Variants in HNRNPC observed in about 807,000 individuals in gnomAD.
HNRNPC encodes the protein heterogeneous nuclear ribonucleoproteins C1/C2.
HNRNPC carries 3 observed loss-of-function variants against 33.2 expected under a neutral mutation model. That is an observed-to-expected ratio of 0.09 (90% CI 0.04 to 0.23). The LOEUF (loss-of-function observed/expected upper bound fraction) is 0.23, where lower values mean the gene tolerates loss of function less well. Ranked by LOEUF, HNRNPC falls within the 10% of genes least tolerant of loss-of-function variation. The pLI is 1.00. For synonymous variants in HNRNPC, 121 were observed against 126.7 expected (o/e 0.96, Z 0.30); for missense variants, 143 against 366.7 (o/e 0.39, Z 4.98).
At chr14:21,242,549 CAT>C (rs533817743) in intron 2 of HNRNPC, among the ~76,000 whole-genome samples, 5 of 152,290 alleles carry the variant, frequency 3.3e-5, no homozygotes, top group African/African-American at 7.2e-5. Context: ...ACCAATTTAA[CAT>C]ATGAGAGTAC....
At chr14:21,243,140 TG>T (rs1400375161) in intron 2 of HNRNPC, among the ~76,000 whole-genome samples, 1 of 152,200 alleles carries the variant, frequency 6.6e-6, no homozygotes, top group African/African-American at 2.4e-5. Context: ...GAATTCTGAC[TG>T]AACACTAGAC....
intron 2 of HNRNPC, among the ~76,000 whole-genome samples, chr14:21,248,811 A>C (rs1417068154): frequency 6.6e-6 from 1 of 152,234 alleles, no homozygotes; most frequent in Non-Finnish European, 1.5e-5. Context: ...TCATTACATC[A>C]AAAGTTTTAA....
chr14:21,218,095 G>A (rs1014250463), intron 5 of HNRNPC, among the ~76,000 whole-genome samples: 4 of 151,962 alleles, frequency 2.6e-5, no homozygotes, highest in South Asian at 4.2e-4. Flanking sequence ...CCCAAGTAGC[G>A]TGGATTACAG....
chr14:21,218,702 A>AAAAC (rs1555351322), intron 5 of HNRNPC, among the ~76,000 whole-genome samples: 14 of 140,540 alleles, frequency 1.0e-4, no homozygotes, highest in Non-Finnish European at 2.1e-4. Context: ...AAAAAAAAAA[A>AAAAC]AAAAAACTGA....
At chr14:21,256,324 C>A (rs946278005) in intron 2 of HNRNPC, among the ~76,000 whole-genome samples, 1 of 152,012 alleles carries the variant, frequency 6.6e-6, no homozygotes, top group African/African-American at 2.4e-5. Flanking sequence ...TGGCTGGTGC[C>A]TGTAATCCCA....
At chr14:21,236,800 G>T (rs1594260108) in intron 2 of HNRNPC, among the ~76,000 whole-genome samples, 1 of 152,164 alleles carries the variant, frequency 6.6e-6, no homozygotes, top group African/African-American at 2.4e-5. Flanking sequence ...GGGTCAGCAA[G>T]AGCAGAGTAG....
chr14:21,268,656 A>C (rs1022041875), intron 1 of HNRNPC: 1 of 152,192 alleles, frequency 6.6e-6, no homozygotes, highest in Non-Finnish European at 1.5e-5. Context: ...ATATATTTCA[A>C]GTGTTTTGTA....
intron 6 of HNRNPC, among the ~76,000 whole-genome samples, chr14:21,212,585 C>G (rs1215379455): frequency 6.6e-6 from 1 of 151,878 alleles, no homozygotes; most frequent in East Asian, 1.9e-4. Context: ...GCTCGTCACC[C>G]AGGCTGGAGT....
intron 4 of HNRNPC, 174 bp from the exon 5 acceptor site, chr14:21,230,540 A>C: frequency 1.8e-6 from 1 of 554,296 alleles, no homozygotes; most frequent in Non-Finnish European, 3.3e-6. Flanking sequence ...ACCTTAGACC[A>C]CTGGAAATGT....
chr14:21,225,075 A>G (rs1594227384), intron 5 of HNRNPC, among the ~76,000 whole-genome samples: 1 of 152,076 alleles, frequency 6.6e-6, no homozygotes, highest in Non-Finnish European at 1.5e-5. Context: ...CTGTTATCAA[A>G]CCTGCCATTT....
chr14:21,268,481 G>T (rs1249055109), intron 1 of HNRNPC: 1 of 152,166 alleles, frequency 6.6e-6, no homozygotes. Context: ...ATATTAACTA[G>T]GTATTCCATT....
chr14:21,222,534 TTAC>T (rs367857830), intron 5 of HNRNPC, among the ~76,000 whole-genome samples: 8 of 152,158 alleles, frequency 5.3e-5, no homozygotes, highest in African/African-American at 1.7e-4. Context: ...CATTTTATGG[TTAC>T]TACATTTTGT....
At chr14:21,252,194 C>T (rs936471494) in intron 2 of HNRNPC, among the ~76,000 whole-genome samples, 5 of 152,062 alleles carry the variant, frequency 3.3e-5, no homozygotes, top group African/African-American at 4.8e-5. Flanking sequence ...AGCAAAAGAA[C>T]AAATAAACAA....
chr14:21,224,390 G>A (rs1893180800), intron 5 of HNRNPC, among the ~76,000 whole-genome samples: 1 of 152,134 alleles, frequency 6.6e-6, no homozygotes, highest in South Asian at 2.1e-4. Flanking sequence ...AAAACCAGCA[G>A]CAAAATTGCT....
At chr14:21,233,070 TTGC>T (rs1159333880) in intron 3 of HNRNPC, among the ~76,000 whole-genome samples, 6 of 152,154 alleles carry the variant, frequency 3.9e-5, no homozygotes, top group African/African-American at 1.2e-4. Flanking sequence ...TATTGTCTAT[TTGC>T]TGAACACCAT....
chr14:21,268,332 C>G (rs573138468), intron 1 of HNRNPC, among the ~76,000 whole-genome samples: 1 of 152,282 alleles, frequency 6.6e-6, no homozygotes, highest in South Asian at 2.1e-4. Flanking sequence ...ATTTTGTCAT[C>G]TTACACTTAG....
intron 5 of HNRNPC, among the ~76,000 whole-genome samples, chr14:21,215,842 T>C (rs1380582229): frequency 7.0e-6 from 1 of 143,384 alleles, no homozygotes; most frequent in Non-Finnish European, 1.5e-5. Flanking sequence ...GAGGTTGCAG[T>C]GAGCTGAGAT....
chr14:21,254,937 A>C (rs1232658512), intron 2 of HNRNPC, among the ~76,000 whole-genome samples: 2 of 151,966 alleles, frequency 1.3e-5, no homozygotes, highest in African/African-American at 4.8e-5. Flanking sequence ...AAAAAACAAA[A>C]AAAAAAACCA....
At chr14:21,236,404 A>G (rs922314279) in intron 2 of HNRNPC, 2 of 152,228 alleles carry the variant, frequency 1.3e-5, no homozygotes, top group African/African-American at 4.8e-5. Flanking sequence ...TGGAGGCAAC[A>G]GTAAAGACAG....
Sources: allele counts gnomAD v4.1 joint callset (sites outside exome capture counted in the v4.1 genomes callset), GRCh38; gene constraint gnomAD v4.1.1; transcripts MANE v1.5; gene names NCBI Gene and HGNC (gene_info 2026-07-23, HGNC 2026-07-21).